The following TTC34 variants were observed in gnomAD, a reference collection of about 807,000 sequenced individuals.
TTC34 encodes the protein tetratricopeptide repeat protein 34.
Under a neutral mutation model 40.7 loss-of-function variants are expected in TTC34, and 44 were observed. The ratio of observed to expected loss-of-function variants is 1.08; its 90% confidence interval spans 0.85 to 1.39. TTC34 has a LOEUF of 1.39. Among genes scored for constraint, TTC34 ranks in the 40% most tolerant of loss-of-function variants. TTC34 has a pLI of 0.00. For synonymous variants in TTC34, 422 were observed against 398.6 expected, an observed-to-expected ratio of 1.06 and a Z score of -0.70; for missense variants, 884 against 838.0, an observed-to-expected ratio of 1.05 and a Z score of -0.68.
Position 2,694,782 on chromosome 1 carries a change from G to A in TTC34, c.2227-49219C>T, listed in dbSNP as rs1181367700. ...GGTGAGCATCCGACAGCCTGGAGCA[G>A]CACCCACACACCCAGGCGAGCATCT... On this transcript the variant is annotated intron_variant, in intron 6 of 8. Coordinates refer to ENST00000401095, the Ensembl canonical transcript of TTC34. Among the ~76,000 whole-genome samples, 5 of 84,468 alleles carry A rather than the reference G, an allele frequency of 5.9e-5. No homozygotes were observed. The East Asian group carries it at 1.4e-3, about 24-fold the overall frequency. The allele number at this position is 84,468 out of a possible 152,430, so 55.4% of individuals were successfully genotyped here. A position where few individuals can be genotyped will look rare whatever the true frequency, so the allele number is the denominator to read the frequency against.
chr1:2,749,585 C>T (rs1331645897), intron 6 of TTC34, among the ~76,000 whole-genome samples: 1 of 104,506 alleles, frequency 9.6e-6, no homozygotes, highest in Non-Finnish European at 1.8e-5. Flanking sequence ...CATCCGACAG[C>T]CTGGAGCAGC....
At chr1:2,694,120 C>T (rs2100379528) in intron 6 of TTC34, among the ~76,000 whole-genome samples, 2 of 148,216 alleles carry the variant, frequency 1.3e-5, no homozygotes, top group East Asian at 2.0e-4. Flanking sequence ...CCCAGGTGCG[C>T]ACGTGACAGC....
rs529942524 is a variant in TTC34 at position 2,700,150 on chromosome 1, C to T, written c.2227-54587G>A. ...ATCCTCACCCCAGGTGAGCATCGGA[C>T]ATCCTGGAGCATCACATACTCCCCC... On this transcript the variant is annotated intron_variant, in intron 6 of 8. Transcript: ENST00000401095. 3.8e-5 allele frequency among the ~76,000 whole-genome samples: 4 copies of T among 104,080 alleles called. 1 individual carries two copies. The highest frequency in any genetic ancestry group is 6.3e-4 in the East Asian group (2 of 3,192). The allele number at this position is 104,080 out of a possible 152,430, so 68.3% of individuals were successfully genotyped here. A position where few individuals can be genotyped will look rare whatever the true frequency, so the allele number is the denominator to read the frequency against.
Position 2,648,105 on chromosome 1 carries a change from C to T in TTC34, c.2227-2542G>A, listed in dbSNP as rs11486043. ...GTTTATGTCACTGCTTTTAAAAGCCCCTGTGTGTAAATTCCAAACCTCTAA... is the reference window on the plus strand; with the variant it reads ...GTTTATGTCACTGCTTTTAAAAGCCTCTGTGTGTAAATTCCAAACCTCTAA... On this transcript the variant is annotated intron_variant, in intron 6 of 8. Transcript: ENST00000401095. Among the ~76,000 whole-genome samples, 260 of 152,036 alleles carry T rather than the reference C, an allele frequency of 1.7e-3. 1 individual carries two copies. The highest frequency in any genetic ancestry group is 5.9e-3 in the African/African-American group (245 of 41,446).
At chr1:2,684,937 A>T (rs1329255917) in intron 6 of TTC34, among the ~76,000 whole-genome samples, 2 of 130,416 alleles carry the variant, frequency 1.5e-5, no homozygotes, top group Admixed American at 7.8e-5. Flanking sequence ...AGCATCCGAC[A>T]GCCTGGAGCA....
intron 6 of TTC34, among the ~76,000 whole-genome samples, chr1:2,771,514 GCA>G (rs1642136991): frequency 1.3e-5 from 1 of 77,106 alleles, no homozygotes; most frequent in Non-Finnish European, 2.3e-5. Context: ...GCCTGGAGTA[GCA>G]CGCACACCCC....
intron 1 of TTC34, among the ~76,000 whole-genome samples, chr1:2,801,268 C>G (rs139941747): frequency 2.6e-5 from 4 of 152,056 alleles, no homozygotes; most frequent in African/African-American, 9.7e-5. Flanking sequence ...GGAAGGCACA[C>G]CCCCCGTCAG....
chr1:2,755,714 G>T (rs1375476468), intron 6 of TTC34, among the ~76,000 whole-genome samples: 5 of 18,910 alleles, frequency 2.6e-4, no homozygotes, highest in African/African-American at 7.0e-4. Context: ...CCACAGGTGA[G>T]CATCCGACAG....
intron 3 of TTC34, 23 bp from the exon 4 acceptor site, chr1:2,787,729 G>T: frequency 1.3e-6 from 2 of 1,495,642 alleles, no homozygotes; most frequent in Non-Finnish European, 1.8e-6. Context: ...CAGCTCAGGG[G>T]GGCATGCCCC....
chr1:2,768,431 T>C (rs1641862911), intron 6 of TTC34, among the ~76,000 whole-genome samples: 1 of 151,722 alleles, frequency 6.6e-6, no homozygotes, highest in African/African-American at 2.4e-5. Context: ...CAGGTGAGCA[T>C]CTGACAGCCT....
chr1:2,778,369 C>T (rs1557682795), intron 6 of TTC34, among the ~76,000 whole-genome samples: 1 of 152,192 alleles, frequency 6.6e-6, no homozygotes, highest in Non-Finnish European at 1.5e-5. Context: ...AGTGCAGGGC[C>T]CCGGGGCTGT....
chr1:2,687,146 C>G (rs1640398730), intron 6 of TTC34, among the ~76,000 whole-genome samples: 1 of 145,086 alleles, frequency 6.9e-6, no homozygotes, highest in African/African-American at 2.8e-5. Context: ...CATCTGACAG[C>G]CTGGAACAGT....
exon 9 of TTC34, chr1:2,641,356 G>C: frequency 1.3e-6 from 2 of 1,489,520 alleles, no homozygotes; most frequent in Non-Finnish European, 1.8e-6. Context: ...GCTGGGAGAG[G>C]GTCAGGCCCA....
At chr1:2,776,719 C>T (rs201062007) in intron 6 of TTC34, among the ~76,000 whole-genome samples, 1,105 of 4,510 alleles carry the variant, frequency 0.25, 199 homozygotes, top group African/African-American at 0.45. Context: ...TGGAACAGAA[C>T]CCCAGTTCTC....
chr1:2,676,942 C>G (rs1244503751), intron 6 of TTC34, among the ~76,000 whole-genome samples: 38 of 149,078 alleles, frequency 2.5e-4, no homozygotes, highest in African/African-American at 9.6e-4. Context: ...AGGTGAGCAT[C>G]TGACAGCATG....
chr1:2,752,652 C>T (rs1218988962), intron 6 of TTC34, among the ~76,000 whole-genome samples: 1 of 130,734 alleles, frequency 7.6e-6, no homozygotes, highest in Non-Finnish European at 1.6e-5. Flanking sequence ...TGCACACACA[C>T]CCCCAGGCGA....
chr1:2,652,436 C>G (rs147422726), intron 6 of TTC34, among the ~76,000 whole-genome samples: 1 of 152,074 alleles, frequency 6.6e-6, no homozygotes, highest in South Asian at 2.1e-4. Flanking sequence ...CCTGGAACAG[C>G]ACCCACACCC....
intron 6 of TTC34, among the ~76,000 whole-genome samples, chr1:2,683,872 A>T (rs1346307139): frequency 2.7e-5 from 4 of 150,746 alleles, no homozygotes. Flanking sequence ...CAGAACCCAC[A>T]CCCCGAGGCG....
chr1:2,642,986 C>A (rs955510825), intron 8 of TTC34, among the ~76,000 whole-genome samples: 9 of 152,214 alleles, frequency 5.9e-5, no homozygotes, highest in East Asian at 3.9e-4. Flanking sequence ...CCTCTCCGGG[C>A]GGAGGCACCT....
Sources: allele counts gnomAD v4.1 joint callset (sites outside exome capture counted in the v4.1 genomes callset), GRCh38; gene constraint gnomAD v4.1.1; transcripts MANE v1.5; gene names NCBI Gene and HGNC (gene_info 2026-07-23, HGNC 2026-07-21).